The following NSUN7 variants were observed in gnomAD, a reference collection of about 807,000 sequenced individuals.
NSUN7 encodes the protein protein NSUN7.
Under a neutral mutation model 58.5 loss-of-function variants are expected in NSUN7, and 39 were observed. That is an observed-to-expected ratio of 0.67 (90% CI 0.52 to 0.87). The LOEUF is 0.87. NSUN7 is among the 40% of genes least tolerant of loss of function. The pLI, the probability that NSUN7 is intolerant of heterozygous loss-of-function variation, is 0.00. For missense variants in NSUN7, 765 were observed against 844.1 expected (o/e 0.91, Z 1.16); for synonymous variants, 278 against 303.7 (o/e 0.92, Z 0.88).
At chr4:40,770,816 G>T (rs1176500954) in intron 4 of NSUN7, among the ~76,000 whole-genome samples, 1 of 152,188 alleles carries the variant, frequency 6.6e-6, no homozygotes, top group Non-Finnish European at 1.5e-5. Context: ...ACTTTGGGAG[G>T]CCAAGGTGGG....
intron 4 of NSUN7, among the ~76,000 whole-genome samples, chr4:40,772,414 AT>A (rs951925286): frequency 2.6e-5 from 4 of 152,130 alleles, no homozygotes; most frequent in Admixed American, 1.3e-4. Flanking sequence ...GTACTATGTC[AT>A]TTTTTTAGTA....
chr4:40,757,989 C>T (rs1577542023), intron 2 of NSUN7, among the ~76,000 whole-genome samples: 2 of 152,174 alleles, frequency 1.3e-5, no homozygotes, highest in African/African-American at 4.8e-5. Flanking sequence ...GTCACGATCT[C>T]GGCTCACTGC....
At chr4:40,773,952 C>T (rs888889994) in intron 4 of NSUN7, among the ~76,000 whole-genome samples, 6 of 152,056 alleles carry the variant, frequency 3.9e-5, no homozygotes, top group African/African-American at 1.4e-4. Flanking sequence ...GCGCCCGCCA[C>T]CACGCCCGGC....
intron 5 of NSUN7, 39 bp downstream of exon 5, chr4:40,774,456 C>T (rs1256642186): frequency 1.9e-6 from 3 of 1,583,222 alleles, no homozygotes; most frequent in Non-Finnish European, 2.6e-6. Context: ...TTCAAGTCTC[C>T]ATCCTTTTAA....
chr4:40,804,574 A>AATTTTCTATTAGAAAATTAC (rs1354200401), intron 10 of NSUN7, among the ~76,000 whole-genome samples: 4 of 152,108 alleles, frequency 2.6e-5, no homozygotes, highest in Non-Finnish European at 4.4e-5. Context: ...TACATTTTCC[A>AATTTTCTATTAGAAAATTAC]ATTTTCTATT....
chr4:40,750,994 G>A lies in NSUN7; in HGVS notation c.298+3G>A. On this transcript the variant is annotated splice_donor_region_variant and intron_variant, in intron 2 of 11. Transcript: ENST00000381782. Reference sequence around the variant, plus strand: ...GCTGGCTTTCAGTGCCCTGAAATGTGAGTTGTGCCAGTCTGGAAGATCAAC... The same window carrying A: ...GCTGGCTTTCAGTGCCCTGAAATGTAAGTTGTGCCAGTCTGGAAGATCAAC... 1 of 1,611,724 alleles carries A rather than the reference G, an allele frequency of 6.2e-7. No homozygotes were observed. Among genetic ancestry groups the A allele is most frequent in the Non-Finnish European group, 8.5e-7 (1 of 1,178,142 alleles).
intron 10 of NSUN7, 43 bp from the exon 11 acceptor site, chr4:40,807,018 G>A (rs1577590325): frequency 1.3e-6 from 2 of 1,539,176 alleles, no homozygotes; most frequent in Non-Finnish European, 8.7e-7. Flanking sequence ...TCTTGGCAAA[G>A]AAGCCATTCT....
rs1447711557 is a variant in NSUN7, at chr4:40,807,044, G to C, written c.1401-17G>C. ...AAGCCATTCTAACTGCTGAATGCTTGTTCCTGTCTGCTGCAGGCTTAGTCC... is the reference window on the plus strand; with the variant it reads ...AAGCCATTCTAACTGCTGAATGCTTCTTCCTGTCTGCTGCAGGCTTAGTCC... On this transcript the variant is annotated splice_polypyrimidine_tract_variant and intron_variant, in intron 10 of 11. Coordinates refer to ENST00000381782, the MANE Select transcript of NSUN7 (RefSeq NM_024677.6). The C allele has an allele frequency of 1.2e-5, 18 of 1,549,608 alleles. No homozygotes were observed. The highest frequency in any genetic ancestry group is 1.6e-5 in the Non-Finnish European group (18 of 1,146,368).
At chr4:40,753,546 T>C (rs1467017220) in intron 2 of NSUN7, among the ~76,000 whole-genome samples, 1 of 152,214 alleles carries the variant, frequency 6.6e-6, no homozygotes, top group Non-Finnish European at 1.5e-5. Context: ...GCTGTGATCT[T>C]TCTTAATGAC....
chr4:40,793,222 G>A (rs1048965457), intron 8 of NSUN7, among the ~76,000 whole-genome samples: 4 of 151,990 alleles, frequency 2.6e-5, no homozygotes, highest in South Asian at 2.1e-4. Flanking sequence ...TGGGTAGATC[G>A]GTTGAGGCCA....
intron 7 of NSUN7, among the ~76,000 whole-genome samples, chr4:40,780,803 ATATATATATATTTTTTTTT>A (rs1742512459): frequency 1.9e-5 from 2 of 105,830 alleles, no homozygotes; most frequent in African/African-American, 7.3e-5. Flanking sequence ...ATATATATAT[ATATATATATATTTTTTTTT>A]TTTTTTTTTT....
intron 4 of NSUN7, among the ~76,000 whole-genome samples, chr4:40,767,398 T>G (rs1374741852): frequency 6.6e-6 from 1 of 152,220 alleles, no homozygotes; most frequent in Non-Finnish European, 1.5e-5. Context: ...CGGTTTTGAG[T>G]GAGTTTCTTA....
intron 4 of NSUN7, among the ~76,000 whole-genome samples, chr4:40,765,730 A>G (rs887099506): frequency 2.6e-5 from 4 of 152,130 alleles, no homozygotes; most frequent in African/African-American, 9.7e-5. Flanking sequence ...ATGTTCTTCC[A>G]TTTCTTGGTA....
At chr4:40,790,489 G>A (rs929192398) in intron 7 of NSUN7, 113 bp from the exon 8 acceptor site, 5 of 646,256 alleles carry the variant, frequency 7.7e-6, no homozygotes, top group African/African-American at 7.6e-5. Context: ...ACATCAAAAT[G>A]AATTTTTGTG....
intron 9 of NSUN7, 47 bp from the exon 10 acceptor site, chr4:40,798,729 CATTTGTATAGG>C (rs1743426156): frequency 1.0e-6 from 1 of 956,834 alleles, no homozygotes; most frequent in Middle Eastern, 2.2e-4. Flanking sequence ...AAACATAGCA[CATTTGTATAGG>C]ATTGTTAATA....
At chr4:40,779,118 G>C (rs762680650) in intron 7 of NSUN7, among the ~76,000 whole-genome samples, 4 of 151,960 alleles carry the variant, frequency 2.6e-5, no homozygotes, top group Admixed American at 1.3e-4. Context: ...CCAGGAGTTT[G>C]AGATCAGCCT....
chr4:40,755,625 A>G (rs1232209592), intron 2 of NSUN7, among the ~76,000 whole-genome samples: 1 of 152,216 alleles, frequency 6.6e-6, no homozygotes, highest in African/African-American at 2.4e-5. Context: ...GAAACAGTAA[A>G]TGCTTAACAT....
At chr4:40,757,764 G>T (rs1741241992) in intron 2 of NSUN7, among the ~76,000 whole-genome samples, 1 of 147,216 alleles carries the variant, frequency 6.8e-6, no homozygotes, top group East Asian at 2.0e-4. Context: ...ATACACAAAA[G>T]TAATGCATTC....
chr4:40,780,241 C>T (rs1388470090), intron 7 of NSUN7, among the ~76,000 whole-genome samples: 1 of 152,182 alleles, frequency 6.6e-6, no homozygotes, highest in Non-Finnish European at 1.5e-5. Flanking sequence ...GATCGCGCCA[C>T]TGCCCTCCAG....
Sources: gnomAD v4.1 joint callset for allele counts (sites outside exome capture counted in the v4.1 genomes callset) on GRCh38, gnomAD v4.1.1 for gene constraint, MANE v1.5 for transcripts, NCBI Gene and HGNC (gene_info 2026-07-23, HGNC 2026-07-21) for gene names.